The following ROBO1 variants were observed in gnomAD, a reference collection of about 807,000 sequenced individuals.
ROBO1 encodes the protein roundabout guidance receptor 1.
ROBO1 carries 149 observed loss-of-function variants against 195.9 expected under a neutral mutation model. The ratio of observed to expected loss-of-function variants is 0.76; its 90% CI spans 0.67 to 0.87. The LOEUF is 0.87. ROBO1 is among the 40% of genes least tolerant of loss of function. ROBO1 has a pLI of 0.00. For synonymous variants in ROBO1, 816 were observed against 733.2 expected (o/e 1.11, Z -1.82); for missense variants, 1,933 against 2,068.3 (o/e 0.93, Z 1.27).
intron 2 of ROBO1, among the ~76,000 whole-genome samples, chr3:79,578,051 TTAA>T (rs67262125): frequency 0.22 from 32,753 of 151,820 alleles, 3,731 homozygotes; most frequent in African/African-American, 0.28. Flanking sequence ...ACACATAAAC[TTAA>T]TAATATTATA....
intron 3 of ROBO1, among the ~76,000 whole-genome samples, chr3:79,062,911 A>T (rs1328511648): frequency 6.8e-6 from 1 of 147,146 alleles, no homozygotes; most frequent in Non-Finnish European, 1.5e-5. Flanking sequence ...CAGCAAACCA[A>T]CATGGTATAT....
chr3:79,422,380 T>C (rs1335883028), intron 2 of ROBO1, among the ~76,000 whole-genome samples: 4 of 151,994 alleles, frequency 2.6e-5, no homozygotes, highest in Admixed American at 2.6e-4. Flanking sequence ...TAACCCTAGA[T>C]TTCAGACCAT....
intron 2 of ROBO1, among the ~76,000 whole-genome samples, chr3:79,439,014 G>C (rs2038972598): frequency 6.6e-6 from 1 of 151,902 alleles, no homozygotes; most frequent in Admixed American, 6.6e-5. Context: ...TGGAAAGTAT[G>C]TTTTTCAATG....
intron 2 of ROBO1, among the ~76,000 whole-genome samples, chr3:79,537,859 C>A (rs534208710): frequency 7.2e-5 from 11 of 151,870 alleles, no homozygotes; most frequent in African/African-American, 2.2e-4. Context: ...TGTAACAAAC[C>A]TACATGTTCT....
intron 4 of ROBO1, among the ~76,000 whole-genome samples, chr3:78,798,313 A>G (rs915387879): frequency 5.3e-5 from 8 of 152,208 alleles, no homozygotes; most frequent in Admixed American, 3.9e-4. Flanking sequence ...CCCTGCATAT[A>G]ATATTTTCAC....
At chr3:78,990,311 C>T (rs1208610797) in intron 3 of ROBO1, among the ~76,000 whole-genome samples, 1 of 152,102 alleles carries the variant, frequency 6.6e-6, no homozygotes, top group Non-Finnish European at 1.5e-5. Flanking sequence ...TACAAATTTC[C>T]TCCAGCATTT....
intron 5 of ROBO1, among the ~76,000 whole-genome samples, chr3:78,734,411 A>C (rs1205912879): frequency 1.3e-5 from 2 of 151,922 alleles, no homozygotes; most frequent in Non-Finnish European, 2.9e-5. Flanking sequence ...AAAAAAAAAA[A>C]AATAGCTGGA....
rs549047824 is a variant in ROBO1, at chr3:79,255,932, G to A, written c.89-130393C>T. On this transcript the variant is annotated intron_variant, in intron 2 of 30. Coordinates refer to ENST00000464233, the MANE Select transcript of ROBO1 (RefSeq NM_002941.4). ...GCAAAGAGCTGTTCATGTGGAATAA[G>A]AGAGGCAAGCAGTTTAGCCTGAGGC... Among the ~76,000 whole-genome samples the A allele has an allele frequency of 8.5e-5, 13 of 152,248 alleles. No individual in the cohort carries two copies. The East Asian group carries it at 2.5e-3, about 29-fold the overall frequency.
intron 4 of ROBO1, among the ~76,000 whole-genome samples, chr3:78,824,004 T>A (rs2031318556): frequency 6.6e-6 from 1 of 152,154 alleles, no homozygotes. Context: ...TATTATTCAC[T>A]GACATTAATG....
At chr3:78,956,347 G>C (rs1314016471) in intron 3 of ROBO1, among the ~76,000 whole-genome samples, 5 of 151,888 alleles carry the variant, frequency 3.3e-5, no homozygotes, top group Non-Finnish European at 5.9e-5. Flanking sequence ...TTTTATTATT[G>C]ATAATATAAT....
intron 2 of ROBO1, among the ~76,000 whole-genome samples, chr3:79,247,335 C>T (rs1355228992): frequency 6.7e-6 from 1 of 149,072 alleles, no homozygotes. Context: ...CTGTCAGACG[C>T]CATACTAGAA....
intron 4 of ROBO1, among the ~76,000 whole-genome samples, chr3:78,754,223 T>C (rs958503664): frequency 6.6e-6 from 1 of 152,184 alleles, no homozygotes; most frequent in Non-Finnish European, 1.5e-5. Context: ...TTAGTCACTA[T>C]GTAAGGAATT....
At chr3:79,012,503 A>T (rs547357740) in intron 3 of ROBO1, among the ~76,000 whole-genome samples, 22 of 152,198 alleles carry the variant, frequency 1.4e-4, no homozygotes, top group Non-Finnish European at 2.9e-4. Context: ...AAACAAAATA[A>T]ACAGAATATT....
chr3:79,017,685 T>G (rs4680920), intron 3 of ROBO1, among the ~76,000 whole-genome samples: 148,395 of 152,124 alleles, frequency 0.98, 72,457 homozygotes, highest in East Asian at 1. Context: ...CTTCCAACAC[T>G]TCATATGGAA....
intron 2 of ROBO1, among the ~76,000 whole-genome samples, chr3:79,541,827 G>GTA (rs767654548): frequency 7.5e-5 from 11 of 145,972 alleles, no homozygotes; most frequent in African/African-American, 2.3e-4. Flanking sequence ...GTGTGTGTGT[G>GTA]TGTATATATA....
At chr3:78,652,614 G>A (rs145166297) in intron 18 of ROBO1, among the ~76,000 whole-genome samples, 1,621 of 152,186 alleles carry the variant, frequency 0.011, 10 homozygotes, top group Non-Finnish European at 0.017. Context: ...ACCATTGAAA[G>A]AGCCATGAAT....
chr3:79,508,785 T>A (rs1328505456), intron 2 of ROBO1, among the ~76,000 whole-genome samples: 1 of 152,226 alleles, frequency 6.6e-6, no homozygotes, highest in African/African-American at 2.4e-5. Context: ...CTATTTAGCA[T>A]GGGTTTTGTT....
intron 2 of ROBO1, among the ~76,000 whole-genome samples, chr3:79,234,568 ACC>A (rs1421737576): frequency 1.3e-5 from 2 of 152,246 alleles, no homozygotes; most frequent in African/African-American, 4.8e-5. Context: ...CATGGAGTCA[ACC>A]TAGGTGCCCA....
intron 2 of ROBO1, among the ~76,000 whole-genome samples, chr3:79,557,184 A>G (rs1448991658): frequency 1.3e-5 from 2 of 152,004 alleles, no homozygotes; most frequent in East Asian, 3.9e-4. Context: ...GCTTAGTAAA[A>G]TTCTTGCCTG....
Sources: gnomAD v4.1 joint callset for allele counts (sites outside exome capture counted in the v4.1 genomes callset) on GRCh38, gnomAD v4.1.1 for gene constraint, MANE v1.5 for transcripts, NCBI Gene and HGNC (gene_info 2026-07-23, HGNC 2026-07-21) for gene names.